RERGL: variants seen among roughly 807,000 people sequenced by gnomAD.
The protein encoded by RERGL is RERG like.
A neutral mutation model predicts 24.7 loss-of-function variants in RERGL; 22 were observed. That is an observed-to-expected ratio of 0.89 (90% CI 0.64 to 1.27). RERGL has a LOEUF of 1.27. Ranked by LOEUF, RERGL falls within the 50% of genes most tolerant of loss-of-function variation. RERGL has a pLI of 0.00. For missense variants in RERGL, 259 were observed against 235.3 expected (o/e 1.10, Z -0.66); for synonymous variants, 76 against 82.6 (o/e 0.92, Z 0.43).
In RERGL at chr12:18,088,907, A is replaced by G. The variant is rs1348799607; in HGVS notation, c.102T>C (p.Ser34=). Residue 34 remains serine, a synonymous_variant, in exon 2 of 5, where the codon TCT becomes TCC. Coordinates refer to ENST00000538724, the MANE Select transcript of RERGL (RefSeq NM_001286201.2). ...LTKRFIGEYA[S]NFESIYKKHL... ...TCTAGAGTAGTGACTTACCAAAATT[A>G]GAAGCATATTCTCCAATGAATCGCT... The G allele has an allele frequency of 5.0e-6, 8 of 1,602,676 alleles. No homozygotes were observed. Among genetic ancestry groups the G allele is most frequent in the Non-Finnish European group, 6.8e-6 (8 of 1,170,090 alleles).
chr12:18,081,541 AAACAG>A (rs1245074634), intron 4 of RERGL, 68 bp from the exon 5 acceptor site: 7 of 1,326,818 alleles, frequency 5.3e-6, no homozygotes, highest in Non-Finnish European at 7.1e-6. Context: ...AAAAAAAAAA[AAACAG>A]ATTTATAACC....
chr12:18,085,688 T>C lies in RERGL; in HGVS notation c.115A>G (p.Ile39Val). The C allele has an allele frequency of 2.5e-6, 4 of 1,586,852 alleles. No individual in the cohort carries two copies. The highest frequency in any genetic ancestry group is 3.4e-6 in the Non-Finnish European group (4 of 1,159,456). Residue 39 changes from isoleucine to valine, a missense_variant, in exon 3 of 5, where the codon ATC (isoleucine) becomes GTC (valine). Ile to Val is a conservative substitution (Grantham distance 29). Coordinates refer to ENST00000538724, the MANE Select transcript of RERGL (RefSeq NM_001286201.2). ...TCCAAACACAAGTGCTTCTTATAGATAGATTCTGCAAAAATATGCATATCC... is the reference window on the plus strand; with the variant it reads ...TCCAAACACAAGTGCTTCTTATAGACAGATTCTGCAAAAATATGCATATCC... ...IGEYASNFES[I>V]YKKHLCLERK...
chr12:18,083,643 G>A (rs1947192986), intron 4 of RERGL, among the ~76,000 whole-genome samples: 1 of 152,038 alleles, frequency 6.6e-6, no homozygotes, highest in African/African-American at 2.4e-5. Context: ...TCTAACTCCA[G>A]GGAAATACAC....
At position 18,085,709 on chromosome 12, in the gene RERGL, T is replaced by A; in HGVS notation, c.110-16A>T. ...TAGATAGATTCTGCAAAAATATGCA[T>A]ATCCACTGTCAGTATGAAAATACTC... On this transcript the variant is annotated splice_polypyrimidine_tract_variant and intron_variant, in intron 2 of 4. Coordinates refer to ENST00000538724, the MANE Select transcript of RERGL (RefSeq NM_001286201.2). The A allele has an allele frequency of 6.9e-7, 1 of 1,447,362 alleles. No individual in the cohort carries two copies. Among genetic ancestry groups the A allele is most frequent in the Non-Finnish European group, 9.6e-7 (1 of 1,038,016 alleles). 89.7% of individuals were successfully genotyped at this position (1,447,362 alleles called of 1,614,324 possible). A position where few individuals can be genotyped will look rare whatever the true frequency, so the allele number is the denominator to read the frequency against.
At chr12:18,085,215 G>A (rs1387415326) in intron 3 of RERGL, among the ~76,000 whole-genome samples, 1 of 152,086 alleles carries the variant, frequency 6.6e-6, no homozygotes, top group Non-Finnish European at 1.5e-5. Context: ...GAATAGACAA[G>A]GAGGTTTGTA....
chr12:18,087,091 A>C (rs1332893829), intron 2 of RERGL, among the ~76,000 whole-genome samples: 1 of 152,176 alleles, frequency 6.6e-6, no homozygotes, highest in Non-Finnish European at 1.5e-5. Context: ...TCCATTGCTA[A>C]CACTCTAGTC....
rs186615168 is a variant in RERGL, at chr12:18,089,313, G to C, written c.53-357C>G. ...TTATTTTCTCTGTCAAACTCAGTCT[G>C]GCTTCAAGGTACTATGTGTAATAGT... On this transcript the variant is annotated intron_variant, in intron 1 of 4. Coordinates refer to ENST00000538724, the MANE Select transcript of RERGL (RefSeq NM_001286201.2). 8.3e-4 allele frequency: 1,312 copies of C among 1,580,220 alleles called. 2 individuals carry two copies. Among genetic ancestry groups the C allele is most frequent in the Non-Finnish European group, 9.3e-4 (1,082 of 1,161,910 alleles).
intron 3 of RERGL, 72 bp downstream of exon 3, chr12:18,085,548 A>G: frequency 9.5e-7 from 1 of 1,051,394 alleles, no homozygotes; most frequent in Non-Finnish European, 1.4e-6. Context: ...CCCCCATATA[A>G]TCTTCAAATC....
chr12:18,081,476 G>C lies in RERGL; in HGVS notation c.333-3C>G. The C allele has an allele frequency of 1.3e-6, 2 of 1,536,168 alleles. No individual in the cohort carries two copies. Among genetic ancestry groups the C allele is most frequent in the Non-Finnish European group, 1.8e-6 (2 of 1,138,086 alleles). ...AAAACACTGCTGATTCCACAGCTCT[G>C]AAATAGAGATACACAATTTTTAGCA... On this transcript the variant is annotated splice_polypyrimidine_tract_variant and splice_region_variant and intron_variant, in intron 4 of 4. Transcript: ENST00000538724.
At chr12:18,082,837 A>G (rs970388409) in intron 4 of RERGL, among the ~76,000 whole-genome samples, 1 of 152,222 alleles carries the variant, frequency 6.6e-6, no homozygotes, top group Non-Finnish European at 1.5e-5. Flanking sequence ...CTCCTGTTTA[A>G]GAAATGTGTC....
intron 2 of RERGL, among the ~76,000 whole-genome samples, chr12:18,086,171 C>A (rs1947220647): frequency 6.6e-6 from 1 of 151,998 alleles, no homozygotes; most frequent in Non-Finnish European, 1.5e-5. Flanking sequence ...CCGCGCCCAG[C>A]CAATATGTTT....
intron 2 of RERGL, 62 bp downstream of exon 2, chr12:18,088,838 A>G: frequency 9.9e-7 from 1 of 1,010,894 alleles, no homozygotes; most frequent in Non-Finnish European, 1.6e-6. Context: ...CTCTGTACTT[A>G]AGTGGGATTT....
chr12:18,084,435 G>T (rs879747395), intron 4 of RERGL, 82 bp downstream of exon 4: 10 of 1,342,510 alleles, frequency 7.4e-6, no homozygotes, highest in Admixed American at 4.8e-5. Context: ...TTGGAAGGCT[G>T]TATTAAACTC....
intron 2 of RERGL, among the ~76,000 whole-genome samples, chr12:18,088,290 C>T (rs910144320): frequency 2.6e-5 from 4 of 151,954 alleles, no homozygotes; most frequent in Non-Finnish European, 5.9e-5. Flanking sequence ...AAATTTCTCA[C>T]TTTTTGTGTT....
chr12:18,089,316 TTC>T, intron 1 of RERGL: 1 of 1,577,106 alleles, frequency 6.3e-7, no homozygotes, highest in Non-Finnish European at 8.6e-7. Flanking sequence ...TCAGTCTGGC[TTC>T]AAGGTACTAT....
At position 18,085,620 on chromosome 12, in the gene RERGL, T is replaced by C; in HGVS notation, c.183A>G (p.Gln61=). Residue 61 remains glutamine (Q), a splice_region_variant and synonymous_variant, in exon 3 of 5, where the codon CAA becomes CAG. Coordinates refer to ENST00000538724, the MANE Select transcript of RERGL (RefSeq NM_001286201.2). ...AAAAAAGGTGTTTTGTTTTACTTAC[T>C]TGAGAACAAGGGTCATATATTTCTA... ...LNLEIYDPCS[Q]TQKAKFSLTS... is the part of the protein sequence containing the mutation. 2 of 1,546,508 alleles carry C rather than the reference T, an allele frequency of 1.3e-6. No homozygotes were observed. Among genetic ancestry groups the C allele is most frequent in the Non-Finnish European group, 8.9e-7 (1 of 1,128,370 alleles).
intron 2 of RERGL, 87 bp from the exon 3 acceptor site, chr12:18,085,780 G>GT: frequency 1.4e-6 from 1 of 693,534 alleles, no homozygotes; most frequent in Non-Finnish European, 2.5e-6. Flanking sequence ...TAGTGGAATC[G>GT]TATTGTGCTC....
chr12:18,084,427 G>T, intron 4 of RERGL, 90 bp downstream of exon 4: 1 of 1,252,738 alleles, frequency 8.0e-7, no homozygotes. Context: ...TTTTGTAATT[G>T]GAAGGCTGTA....
chr12:18,084,604 A>C lies in RERGL; in HGVS notation c.245T>G (p.Val82Gly), dbSNP rs377308249. Residue 82 changes from valine to glycine, a missense_variant, in exon 4 of 5, where the codon GTG becomes GGG. Physicochemically the swap from Val to Gly is moderately radical, Grantham distance 109. Coordinates refer to ENST00000538724, the MANE Select transcript of RERGL (RefSeq NM_001286201.2). ...TGAAGACCTATCACTGATGTCATAC[A>C]CAATAACAAACCCATCTGCCCAGTG... ...ELHWADGFVI[V>G]YDISDRSSFA... 6.2e-7 allele frequency: 1 copy of C among 1,612,956 alleles called. No individual in the cohort carries two copies. Among genetic ancestry groups the C allele is most frequent in the South Asian group, 1.1e-5 (1 of 90,800 alleles).
Sources: gnomAD v4.1 joint callset for allele counts (sites outside exome capture counted in the v4.1 genomes callset) on GRCh38, gnomAD v4.1.1 for gene constraint, MANE v1.5 for transcripts, NCBI Gene and HGNC (gene_info 2026-07-23, HGNC 2026-07-21) for gene names.